Variants in SCN2A observed in about 807,000 individuals in gnomAD.
SCN2A encodes sodium channel protein type 2 subunit alpha.
In SCN2A, 20 loss-of-function variants were observed where a neutral mutation model predicts 188.7. The observed-to-expected ratio is 0.11, with a 90% CI of 0.07 to 0.15. The LOEUF is 0.15. Ranked by LOEUF, SCN2A falls within the 10% of genes least tolerant of loss-of-function variation. The pLI, the probability that SCN2A is intolerant of heterozygous loss-of-function variation, is 1.00. For missense variants in SCN2A, 1,278 were observed against 2,445.0 expected (o/e 0.52, Z 10.07); for synonymous variants, 804 against 833.1 (o/e 0.97, Z 0.60).
chr2:165,308,047 C>T lies in SCN2A; in HGVS notation c.476+110C>T, dbSNP rs941028259. 12 of 797,678 alleles carry T rather than the reference C, an allele frequency of 1.5e-5. No homozygotes were observed. In the East Asian group the frequency reaches 2.7e-4, roughly 18 times the overall value. The allele number at this position is 797,678 out of a possible 1,614,324, so 49.4% of individuals were successfully genotyped here. ...AACAAATCATGCTAGCTACTGTTAA[C>T]CAGACCCTGATTCAAATTCATTTCT... On this transcript the variant is annotated intron_variant, in intron 4 of 26. Coordinates refer to ENST00000375437, the MANE Select transcript of SCN2A (RefSeq NM_001040142.2).
At chr2:165,360,030 G>T (rs59983075) in intron 17 of SCN2A, among the ~76,000 whole-genome samples, 2,921 of 151,938 alleles carry the variant, frequency 0.019, 86 homozygotes, top group African/African-American at 0.064. Flanking sequence ...AACCAAAATT[G>T]TCAGATATGG....
chr2:165,256,000 C>CTTTTTTTTTTTTTTTTT (rs765804959), intron 1 of SCN2A, among the ~76,000 whole-genome samples: 1 of 88,446 alleles, frequency 1.1e-5, no homozygotes, highest in Non-Finnish European at 2.0e-5. Flanking sequence ...GGGCTCTTTT[C>CTTTTTTTTTTTTTTTTT]TTTTTTTTTT....
intron 17 of SCN2A, among the ~76,000 whole-genome samples, chr2:165,362,046 G>C (rs941742315): frequency 6.6e-6 from 1 of 152,012 alleles, no homozygotes. Flanking sequence ...TTGGATAAAA[G>C]AGTCCTCGCA....
rs370724112 is a variant in SCN2A at position 165,309,391 on chromosome 2, G to A, written c.645G>A (p.Ala215=). The stretch of plus-strand genomic sequence containing the variant: ...TTGTGGACCTGGGCAATGTCTCAGC[G>A]TTGAGAACATTCAGAGTTCTCCGAG... ...TEFVDLGNVS[A]LRTFRVLRAL... is the part of the protein sequence containing the mutation. Residue 215 remains alanine (A), a synonymous_variant, in exon 6 of 27, where the codon GCG becomes GCA. Coordinates refer to ENST00000375437, the MANE Select transcript of SCN2A (RefSeq NM_001040142.2). 3.3e-5 allele frequency: 53 copies of A among 1,613,674 alleles called. No homozygotes were observed. Among genetic ancestry groups the A allele is most frequent in the Admixed American group, 2.5e-4 (15 of 59,948 alleles).
chr2:165,308,451 T>G (rs1219188474), intron 4 of SCN2A, among the ~76,000 whole-genome samples: 1 of 151,962 alleles, frequency 6.6e-6, no homozygotes, highest in South Asian at 2.1e-4. Flanking sequence ...AATTAATTAA[T>G]GTGGAAAATG....
chr2:165,388,705 T>C lies in SCN2A; in HGVS notation c.4899T>C (p.Ile1633=). The change falls in exon 27 of 27, where the codon ATT becomes ATC. Residue 1633 remains isoleucine (I), a synonymous_variant. Coordinates refer to ENST00000375437, the MANE Select transcript of SCN2A (RefSeq NM_001040142.2). ...TCCGAGTGATCCGTCTTGCCAGGAT[T>C]GGCCGAATCCTACGTCTGATCAAAG... ...TLFRVIRLAR[I]GRILRLIKGA... is the part of the protein sequence containing the mutation. 4 of 1,614,054 alleles carry C rather than the reference T, an allele frequency of 2.5e-6. No homozygotes were observed. Among genetic ancestry groups the C allele is most frequent in the Non-Finnish European group, 3.4e-6 (4 of 1,179,956 alleles).
chr2:165,271,531 T>G (rs985213787), intron 1 of SCN2A: 1 of 152,140 alleles, frequency 6.6e-6, no homozygotes, highest in Non-Finnish European at 1.5e-5. Context: ...AAATAGGAAG[T>G]AGACAAAAGG....
In SCN2A at chr2:165,307,874, C is replaced by T. The variant is rs764044312; in HGVS notation, c.413C>T (p.Thr138Met). Residue 138 changes from threonine (T) to methionine (M), a missense_variant, in exon 4 of 27, where the codon ACG becomes ATG. Transcript: ENST00000375437. ...TTATTCAATATGCTCATTATGTGCA[C>T]GATTCTTACCAACTGTGTATTTATG... The part of the protein sequence containing the change: ...HSLFNMLIMC[T>M]ILTNCVFMTM... 2 of 1,610,630 alleles carry T rather than the reference C, an allele frequency of 1.2e-6. No homozygotes were observed. The highest frequency in any genetic ancestry group is 1.1e-5 in the South Asian group (1 of 91,000).
chr2:165,360,804 T>C (rs549704410), intron 17 of SCN2A, among the ~76,000 whole-genome samples: 2 of 152,114 alleles, frequency 1.3e-5, no homozygotes, highest in East Asian at 1.9e-4. Flanking sequence ...CTTTTTAAAC[T>C]GGATCTGCTT....
intron 1 of SCN2A, chr2:165,272,371 G>A (rs929939492): frequency 2.0e-5 from 3 of 151,936 alleles, no homozygotes; most frequent in African/African-American, 7.2e-5. Context: ...GAAAAAAATG[G>A]CAGAATAAAG....
intron 1 of SCN2A, among the ~76,000 whole-genome samples, chr2:165,278,940 C>T (rs956263117): frequency 2.7e-5 from 4 of 148,752 alleles, no homozygotes; most frequent in South Asian, 2.1e-4. Flanking sequence ...AAAGAGAGAA[C>T]GAGAAAAGAA....
chr2:165,308,519 T>C, intron 4 of SCN2A, 147 bp from the exon 5 acceptor site: 1 of 682,094 alleles, frequency 1.5e-6, no homozygotes, highest in Non-Finnish European at 2.5e-6. Context: ...TGTTTCTTTT[T>C]TGACTTAAGC....
intron 1 of SCN2A, among the ~76,000 whole-genome samples, chr2:165,254,442 T>C (rs978488657): frequency 6.6e-6 from 1 of 151,810 alleles, no homozygotes; most frequent in Non-Finnish European, 1.5e-5. Flanking sequence ...TATATTTGCT[T>C]CAAAAATATT....
chr2:165,272,275 T>C (rs1292767823), intron 1 of SCN2A: 1 of 152,056 alleles, frequency 6.6e-6, no homozygotes, highest in Non-Finnish European at 1.5e-5. Context: ...AAAATGGTCA[T>C]TTTATTGGGG....
At chr2:165,315,367 G>A in intron 10 of SCN2A, 104 bp from the exon 11 acceptor site, 1 of 1,548,748 alleles carries the variant, frequency 6.5e-7, no homozygotes. Context: ...ATGGAGAATT[G>A]TTTTTCAAGA....
Position 165,330,567 on chromosome 2 carries a change from TGA to T in SCN2A, c.2150-759_2150-758del, listed in dbSNP as rs1445692936. ...ATAAAATTTTATGTCATGTTTGATA[TGA>T]GAGTTATATATTTAAATACATTTAA... On this transcript the variant is annotated intron_variant, in intron 13 of 26. Transcript: ENST00000375437. Among the ~76,000 whole-genome samples, 7 of 152,278 alleles carry T rather than the reference TGA, an allele frequency of 4.6e-5. No homozygotes were observed. The East Asian group carries it at 5.8e-4, about 13-fold the overall frequency.
chr2:165,352,558 C>A (rs1008639501), intron 16 of SCN2A, among the ~76,000 whole-genome samples: 2 of 152,132 alleles, frequency 1.3e-5, no homozygotes, highest in Non-Finnish European at 2.9e-5. Context: ...CATCCCTAAT[C>A]TGAAAATTTG....
chr2:165,376,936 G>A (rs191838872), intron 22 of SCN2A, among the ~76,000 whole-genome samples: 1,469 of 127,752 alleles, frequency 0.011, 8 homozygotes, highest in Admixed American at 0.022. Context: ...AAATAGTCAG[G>A]AAAGGGGAAG....
rs11898766 is a variant in SCN2A at position 165,386,657 on chromosome 2, C to T, written c.4552-89C>T. The T allele has an allele frequency of 2.9e-3, 3,875 of 1,321,738 alleles. 69 individuals carry two copies. The highest frequency in any genetic ancestry group is 0.026 in the South Asian group (1,994 of 76,154). 81.9% of individuals were successfully genotyped at this position (1,321,738 alleles called of 1,614,324 possible). A position where few individuals can be genotyped will look rare whatever the true frequency, so the allele number is the denominator to read the frequency against. Reference sequence around the variant, plus strand: ...TAAAGATGTGTTTTTATAAAAGCTACATTTTTTGTTGCTTTCTTAAAATCA... The same window carrying T: ...TAAAGATGTGTTTTTATAAAAGCTATATTTTTTGTTGCTTTCTTAAAATCA... On this transcript the variant is annotated intron_variant, in intron 25 of 26. Coordinates refer to ENST00000375437, the MANE Select transcript of SCN2A (RefSeq NM_001040142.2).
Sources: gnomAD v4.1 joint callset for allele counts (sites outside exome capture counted in the v4.1 genomes callset) on GRCh38, gnomAD v4.1.1 for gene constraint, MANE v1.5 for transcripts, NCBI Gene and HGNC (gene_info 2026-07-23, HGNC 2026-07-21) for gene names.